Variants in ARFGEF2 observed in about 807,000 individuals in gnomAD.
ARFGEF2 encodes ARF guanine nucleotide exchange factor 2, also known as brefeldin A-inhibited guanine nucleotide-exchange protein 2.
A neutral mutation model predicts 219.9 loss-of-function variants in ARFGEF2; 74 were observed. The observed-to-expected ratio is 0.34, with a 90% CI of 0.28 to 0.41. The LOEUF is 0.41. Among genes scored for constraint, ARFGEF2 ranks in the 10% least tolerant of loss-of-function variants. ARFGEF2 has a pLI of 1.00. For missense variants in ARFGEF2, 1,743 were observed against 2,218.3 expected, an observed-to-expected ratio of 0.79 and a Z score of 4.30; for synonymous variants, 733 against 799.2, an observed-to-expected ratio of 0.92 and a Z score of 1.40.
At chr20:49,010,972 G>A (rs1176550751) in intron 27 of ARFGEF2, among the ~76,000 whole-genome samples, 1 of 152,174 alleles carries the variant, frequency 6.6e-6, no homozygotes, top group Non-Finnish European at 1.5e-5. Context: ...GGCCTATCGA[G>A]TGCCATGTTT....
chr20:48,994,788 A>G (rs925240216), intron 22 of ARFGEF2, among the ~76,000 whole-genome samples, 190 bp downstream of exon 22: 2 of 152,116 alleles, frequency 1.3e-5, no homozygotes, highest in Non-Finnish European at 2.9e-5. Flanking sequence ...TAAAATGTCT[A>G]TTTTACCAAA....
chr20:48,991,211 T>C lies in ARFGEF2; in HGVS notation c.2973+13T>C. The stretch of plus-strand genomic sequence containing the variant: ...TTCCTGGCATGAGGTACGTGTCTCT[T>C]TGAATTGCCTTTTCTCAGTTAGGAT... On this transcript the variant is annotated intron_variant, in intron 21 of 38. Coordinates refer to ENST00000371917, the MANE Select transcript of ARFGEF2 (RefSeq NM_006420.3). The C allele has an allele frequency of 6.2e-7, 1 of 1,614,192 alleles. No homozygotes were observed.
At chr20:48,960,809 C>T (rs1252421512) in intron 6 of ARFGEF2, among the ~76,000 whole-genome samples, 3 of 149,542 alleles carry the variant, frequency 2.0e-5, no homozygotes, top group South Asian at 2.2e-4. Context: ...TGGCTGGGCG[C>T]GGTGGCTTAT....
Position 48,952,768 on chromosome 20 carries a change from G to A in ARFGEF2, c.487G>A (p.Val163Met), listed in dbSNP as rs1186785899. ...EIHEGTILQTVRTCYNIYLAS... is the reference protein window; with the variant it reads ...EIHEGTILQTMRTCYNIYLAS... Reference sequence around the variant, plus strand: ...TCATGAGGGTACTATCCTGCAGACAGTGAGAACATGTTACAATATCTATTT... The same window carrying A: ...TCATGAGGGTACTATCCTGCAGACAATGAGAACATGTTACAATATCTATTT... The change falls in exon 5 of 39, where the codon GTG becomes ATG. Residue 163 changes from valine (V) to methionine (M), a missense_variant. This residue lies in a region of ARFGEF2 where 394 missense variants were observed against 426.6 expected (regional missense o/e 0.92). Coordinates refer to ENST00000371917, the MANE Select transcript of ARFGEF2 (RefSeq NM_006420.3). 1 of 1,614,094 alleles carries A rather than the reference G, an allele frequency of 6.2e-7. No individual in the cohort carries two copies. Among genetic ancestry groups the A allele is most frequent in the Non-Finnish European group, 8.5e-7 (1 of 1,180,042 alleles).
rs1221109238 is a variant in ARFGEF2 at position 49,034,381 on chromosome 20, T to C, written c.*1182T>C. 2 of 152,224 alleles carry C rather than the reference T, an allele frequency of 1.3e-5. No individual in the cohort carries two copies. The highest frequency in any genetic ancestry group is 1.5e-5 in the Non-Finnish European group (1 of 68,058). 9.4% of individuals were successfully genotyped at this position (152,224 alleles called of 1,614,324 possible). A position where few individuals can be genotyped will look rare whatever the true frequency, so the allele number is the denominator to read the frequency against. On this transcript the variant is annotated 3_prime_UTR_variant, in exon 39 of 39. Transcript: ENST00000371917. ...GCAAGGTTGGATTCTGAGGTCCTTA[T>C]TATGTTAATGATGGTGCAATACTCT...
At position 49,013,542 on chromosome 20, in the gene ARFGEF2, G is replaced by A. The variant is rs371829952; in HGVS notation, c.3919-22G>A. ...CCTTTTGCATGCTTAGTTTACACCT[G>A]AGATGTGATTTTTCATCCTAGGTGC... On this transcript the variant is annotated intron_variant, in intron 28 of 38. Transcript: ENST00000371917. 16 of 1,613,910 alleles carry A rather than the reference G, an allele frequency of 9.9e-6. No homozygotes were observed. The African/African-American group carries it at 2.0e-4, about 20-fold the overall frequency.
At chr20:48,924,484 C>T (rs896042520) in intron 1 of ARFGEF2, among the ~76,000 whole-genome samples, 3 of 142,468 alleles carry the variant, frequency 2.1e-5, no homozygotes, top group Non-Finnish European at 4.5e-5. Context: ...TGCACTCCAG[C>T]CTGGGCGACA....
chr20:48,992,039 C>G (rs928591248), intron 21 of ARFGEF2, among the ~76,000 whole-genome samples: 1 of 151,930 alleles, frequency 6.6e-6, no homozygotes, highest in Non-Finnish European at 1.5e-5. Flanking sequence ...GAGCAGATGA[C>G]CAGGTTTTTC....
rs565862277 is a variant in ARFGEF2, at chr20:48,945,237, T to C, written c.276+3250T>C. ...ACAAATTTTAGGGGGACACAAACTT[T>C]CAGTCTGTAGCAACAGCTATGCCCA... On this transcript the variant is annotated intron_variant, in intron 3 of 38. Coordinates refer to ENST00000371917, the MANE Select transcript of ARFGEF2 (RefSeq NM_006420.3). Among the ~76,000 whole-genome samples the C allele has an allele frequency of 2.0e-5, 3 of 152,308 alleles. No individual in the cohort carries two copies. The East Asian group carries it at 5.8e-4, about 29-fold the overall frequency.
In ARFGEF2 at chr20:48,988,580, C is replaced by T; in HGVS notation, c.2451C>T (p.Ser817=). The T allele has an allele frequency of 6.2e-7, 1 of 1,613,124 alleles. No individual in the cohort carries two copies. The highest frequency in any genetic ancestry group is 8.5e-7 in the Non-Finnish European group (1 of 1,179,334). The change falls in exon 18 of 39, where the codon AGC becomes AGT. Residue 817 remains serine (S), a synonymous_variant. Coordinates refer to ENST00000371917, the MANE Select transcript of ARFGEF2 (RefSeq NM_006420.3). ...SKDLPEEYLS[S]IYEEIEGKKI... is the part of the protein sequence containing the mutation. ...ATCTGCCAGAAGAGTATCTCTCAAG[C>T]ATCTATGAAGAGATAGAAGGCAAGA...
chr20:48,960,142 CTACTACATACCA>C (rs2091137540), intron 6 of ARFGEF2, among the ~76,000 whole-genome samples: 1 of 152,158 alleles, frequency 6.6e-6, no homozygotes, highest in Non-Finnish European at 1.5e-5. Flanking sequence ...ATGGTATAGC[CTACTACATACCA>C]TATGTATAGC....
Position 49,035,089 on chromosome 20 carries a change from A to G in ARFGEF2, c.*1890A>G, listed in dbSNP as rs2091659045. 6.6e-6 allele frequency: 1 copy of G among 152,174 alleles called. No homozygotes were observed. Among genetic ancestry groups the G allele is most frequent in the South Asian group, 2.1e-4 (1 of 4,828 alleles). The allele number at this position is 152,174 out of a possible 1,614,324, so 9.4% of individuals were successfully genotyped here. On this transcript the variant is annotated 3_prime_UTR_variant, in exon 39 of 39. Coordinates refer to ENST00000371917, the MANE Select transcript of ARFGEF2 (RefSeq NM_006420.3). ...GGTATCATAGCGCGTCATCACCTCA[A>G]CAAGTCAGTCGTCTCCATTGATATT... is the stretch of plus-strand genomic sequence containing the variant.
intron 1 of ARFGEF2, among the ~76,000 whole-genome samples, chr20:48,939,915 A>T (rs1291618963): frequency 6.6e-6 from 1 of 152,200 alleles, no homozygotes; most frequent in Non-Finnish European, 1.5e-5. Flanking sequence ...CTGGCTCTCT[A>T]GAGATTGTGT....
In ARFGEF2 at chr20:49,032,561, T is replaced by C. The variant is rs553267511; in HGVS notation, c.5181+395T>C. Among the ~76,000 whole-genome samples the C allele has an allele frequency of 1.9e-4, 29 of 152,064 alleles. No individual in the cohort carries two copies. In the Middle Eastern group the frequency reaches 0.01, roughly 54 times the overall value. On this transcript the variant is annotated intron_variant, in intron 38 of 38. Transcript: ENST00000371917. Reference sequence around the variant, plus strand: ...AAATTTAATTAAAGTTAAATATAACTGAAAGAAGCTTTAATTTGCAAGGTT... The same window carrying C: ...AAATTTAATTAAAGTTAAATATAACCGAAAGAAGCTTTAATTTGCAAGGTT...
At chr20:48,995,656 CT>C (rs1380434963) in intron 22 of ARFGEF2, 126 bp from the exon 23 acceptor site, 9 of 857,486 alleles carry the variant, frequency 1.0e-5, no homozygotes, top group Non-Finnish European at 1.6e-5. Flanking sequence ...GTTTTTGTTT[CT>C]TTTTTGAACT....
rs757738564 is a variant in ARFGEF2 at position 48,989,268 on chromosome 20, A to G, written c.2534-17A>G. ...TCAGTGACTGCTAGCCACACCTATC[A>G]TGCTCTTACTTTACAGATGTAGCTA... On this transcript the variant is annotated splice_polypyrimidine_tract_variant and intron_variant, in intron 18 of 38. Coordinates refer to ENST00000371917, the MANE Select transcript of ARFGEF2 (RefSeq NM_006420.3). The G allele has an allele frequency of 3.1e-6, 5 of 1,614,118 alleles. No homozygotes were observed. Among genetic ancestry groups the G allele is most frequent in the African/African-American group, 2.7e-5 (2 of 75,066 alleles).
At chr20:49,007,995 C>G (rs2091473365) in intron 26 of ARFGEF2, among the ~76,000 whole-genome samples, 1 of 152,068 alleles carries the variant, frequency 6.6e-6, no homozygotes, top group Non-Finnish European at 1.5e-5. Context: ...TTGCCAGGCA[C>G]TCTCAGATAC....
chr20:48,961,083 T>TAATAATAATA (rs1555809250), intron 6 of ARFGEF2, among the ~76,000 whole-genome samples: 1 of 144,012 alleles, frequency 6.9e-6, no homozygotes, highest in Non-Finnish European at 1.5e-5. Context: ...TGTCTCAAAA[T>TAATAATAATA]ATAATAATAA....
At chr20:48,938,825 C>T (rs184345712) in intron 1 of ARFGEF2, among the ~76,000 whole-genome samples, 2 of 152,154 alleles carry the variant, frequency 1.3e-5, no homozygotes, top group African/African-American at 2.4e-5. Flanking sequence ...GAGGAGCTGC[C>T]GCACCCCTTC....
Sources: allele counts gnomAD v4.1 joint callset (sites outside exome capture counted in the v4.1 genomes callset), GRCh38; gene constraint gnomAD v4.1.1; regional missense constraint gnomAD v4.1.1; transcripts MANE v1.5; gene names NCBI Gene and HGNC (gene_info 2026-07-23, HGNC 2026-07-21).